Variants in LETM1 observed in about 807,000 individuals in gnomAD.
The protein encoded by LETM1 is leucine zipper and EF-hand containing transmembrane protein 1.
Under a neutral mutation model 74.5 loss-of-function variants are expected in LETM1, and 50 were observed. The ratio of observed to expected loss-of-function variants is 0.67; its 90% CI spans 0.53 to 0.85. The LOEUF is 0.85. Among genes scored for constraint, LETM1 ranks in the 40% least tolerant of loss-of-function variants. The pLI, the probability that LETM1 is intolerant of heterozygous loss-of-function variation, is 0.00. For missense variants in LETM1, 824 were observed against 967.8 expected, an observed-to-expected ratio of 0.85 and a Z score of 1.97; for synonymous variants, 446 against 407.1, an observed-to-expected ratio of 1.10 and a Z score of -1.15.
At chr4:1,830,779 TCTAA>T (rs1409281149) in intron 6 of LETM1, among the ~76,000 whole-genome samples, 3 of 152,204 alleles carry the variant, frequency 2.0e-5, no homozygotes, top group Non-Finnish European at 4.4e-5. Flanking sequence ...GTGCAGGGTC[TCTAA>T]CTGTCATCTC....
At chr4:1,844,166 A>G (rs553215819) in intron 2 of LETM1, among the ~76,000 whole-genome samples, 37 of 152,354 alleles carry the variant, frequency 2.4e-4, no homozygotes, top group African/African-American at 8.7e-4. Flanking sequence ...GGAGCCATCC[A>G]GAGTTGGGCA....
chr4:1,849,926 G>T (rs557560404), intron 1 of LETM1, among the ~76,000 whole-genome samples: 23 of 152,198 alleles, frequency 1.5e-4, no homozygotes, highest in Non-Finnish European at 2.9e-4. Flanking sequence ...GGAGGCAAAG[G>T]CGAGTGGATC....
intron 12 of LETM1, among the ~76,000 whole-genome samples, chr4:1,816,328 T>A (rs1711567276): frequency 6.6e-6 from 1 of 152,224 alleles, no homozygotes; most frequent in Admixed American, 6.5e-5. Flanking sequence ...CCTCAGCCAC[T>A]GCTGCGCAGG....
chr4:1,816,590 T>C, intron 12 of LETM1, 137 bp downstream of exon 12: 1 of 779,344 alleles, frequency 1.3e-6, no homozygotes. Flanking sequence ...GGACTGCTGG[T>C]CAAAGGTGGA....
At chr4:1,833,102 C>T (rs1189540050) in intron 5 of LETM1, 155 bp from the exon 6 acceptor site, 1 of 646,444 alleles carries the variant, frequency 1.5e-6, no homozygotes, top group South Asian at 1.9e-5. Context: ...GACAGGGTCT[C>T]GCTCTGTTAC....
Position 1,834,600 on chromosome 4 carries a change from A to G in LETM1, c.876+245T>C, listed in dbSNP as rs1197510750. ...ACTGCTCCTGGACAGCTGCAGGGTG[A>G]TGAGACACAGACGCCCATAATTCTG... On this transcript the variant is annotated intron_variant, in intron 5 of 13. Coordinates refer to ENST00000302787, the MANE Select transcript of LETM1 (RefSeq NM_012318.3). The surrounding 1 kb of genome is among the most constrained non-coding windows in gnomAD (Gnocchi z 5.0). 3 of 1,333,148 alleles carry G rather than the reference A, an allele frequency of 2.3e-6. No homozygotes were observed. Among genetic ancestry groups the G allele is most frequent in the East Asian group, 6.4e-5 (2 of 31,252 alleles). The allele number at this position is 1,333,148 out of a possible 1,614,324, so 82.6% of individuals were successfully genotyped here.
chr4:1,841,518 G>A lies in LETM1; in HGVS notation c.423C>T (p.Tyr141=), dbSNP rs1712692315. ...NKKLEEGGPV[Y]SPPAEVVVKK... ...TCACCACCACCTCTGCGGGGGGGCT[G>A]TACACCGGGCCGCCTTCCTCCAGCT... is the stretch of plus-strand genomic sequence containing the variant. The change falls in exon 3 of 14, where the codon TAC becomes TAT. Residue 141 remains tyrosine, a synonymous_variant. Coordinates refer to ENST00000302787, the MANE Select transcript of LETM1 (RefSeq NM_012318.3). The A allele has an allele frequency of 5.6e-6, 9 of 1,614,100 alleles. No individual in the cohort carries two copies. The South Asian group carries it at 6.6e-5, about 12-fold the overall frequency.
intron 3 of LETM1, 134 bp downstream of exon 3, chr4:1,841,207 TGGTGGC>T: frequency 1.3e-5 from 9 of 712,230 alleles, no homozygotes; most frequent in Admixed American, 1.2e-4. Flanking sequence ...TAGCCAGGTG[TGGTGGC>T]ACATGCCTGT....
intron 1 of LETM1, among the ~76,000 whole-genome samples, chr4:1,851,412 C>T (rs1194162645): frequency 1.3e-5 from 2 of 152,142 alleles, no homozygotes; most frequent in East Asian, 3.8e-4. Flanking sequence ...CAGGCACTGA[C>T]CCTGCTCCTA....
chr4:1,833,149 G>A, intron 5 of LETM1: 1 of 570,630 alleles, frequency 1.8e-6, no homozygotes, highest in South Asian at 2.0e-5. Flanking sequence ...TCGGTTCACT[G>A]CAACCTCCAC....
chr4:1,843,936 C>T (rs983120201), intron 2 of LETM1, among the ~76,000 whole-genome samples: 1 of 152,224 alleles, frequency 6.6e-6, no homozygotes, highest in Non-Finnish European at 1.5e-5. Flanking sequence ...GAGGTGGGCT[C>T]ACCTCCCTGT....
rs915246758 is a variant in LETM1 at position 1,814,140 on chromosome 4, C to T, written c.*284G>A. ...GACTGAGGCCACACACATGGGGGCG[C>T]CTTCCTGCCTTGGCCCAGCCCAGCT... On this transcript the variant is annotated 3_prime_UTR_variant, in exon 14 of 14. Coordinates refer to ENST00000302787, the MANE Select transcript of LETM1 (RefSeq NM_012318.3). 2.9e-5 allele frequency: 13 copies of T among 448,398 alleles called. No homozygotes were observed. Among genetic ancestry groups the T allele is most frequent in the African/African-American group, 2.4e-4 (12 of 50,036 alleles). 27.8% of individuals were successfully genotyped at this position (448,398 alleles called of 1,614,324 possible). A position where few individuals can be genotyped will look rare whatever the true frequency, so the allele number is the denominator to read the frequency against.
chr4:1,832,817 T>C lies in LETM1; in HGVS notation c.1007A>G (p.Gln336Arg). 1 of 1,614,198 alleles carries C rather than the reference T, an allele frequency of 6.2e-7. No homozygotes were observed. Among genetic ancestry groups the C allele is most frequent in the Middle Eastern group, 1.7e-4 (1 of 6,050 alleles). ...CAGGAAGTTGTTGGTGCCGATGGACTGTAGCTCCAGCAGCTTGCACAGGGC... is the reference window on the plus strand; with the variant it reads ...CAGGAAGTTGTTGGTGCCGATGGACCGTAGCTCCAGCAGCTTGCACAGGGC... Reference protein sequence around the residue: ...LVALCKLLELQSIGTNNFLRF... With the variant: ...LVALCKLLELRSIGTNNFLRF... The change falls in exon 6 of 14, where the codon CAG becomes CGG. Residue 336 changes from glutamine to arginine, a missense_variant. Transcript: ENST00000302787.
intron 2 of LETM1, among the ~76,000 whole-genome samples, chr4:1,842,626 C>T (rs536635290): frequency 2.6e-5 from 4 of 152,342 alleles, no homozygotes; most frequent in Admixed American, 2.0e-4. Context: ...TGTAGGCCAC[C>T]GAGGGCCAGA....
At chr4:1,840,310 G>C (rs1025160260) in intron 3 of LETM1, among the ~76,000 whole-genome samples, 1 of 152,164 alleles carries the variant, frequency 6.6e-6, no homozygotes, top group Non-Finnish European at 1.5e-5. Flanking sequence ...CCAGGAGGCG[G>C]AGGTTGCAGT....
At chr4:1,855,139 C>T (rs372945794) in intron 1 of LETM1, among the ~76,000 whole-genome samples, 1 of 152,134 alleles carries the variant, frequency 6.6e-6, no homozygotes, top group Non-Finnish European at 1.5e-5. Context: ...TGAGTATGAT[C>T]GCACCACTGC....
At chr4:1,827,896 C>T (rs1188267931) in intron 6 of LETM1, among the ~76,000 whole-genome samples, 4 of 149,654 alleles carry the variant, frequency 2.7e-5, no homozygotes, top group African/African-American at 7.5e-5. Flanking sequence ...ACCTCCCGGA[C>T]GGGGCGGCTG....
chr4:1,824,934 T>C, intron 7 of LETM1, among the ~76,000 whole-genome samples: 1 of 145,638 alleles, frequency 6.9e-6, no homozygotes, highest in Admixed American at 6.7e-5. Flanking sequence ...ACACACACCT[T>C]CATCTACACT....
chr4:1,845,744 G>A (rs1355534538), intron 2 of LETM1, among the ~76,000 whole-genome samples: 1 of 151,760 alleles, frequency 6.6e-6, no homozygotes, highest in East Asian at 1.9e-4. Flanking sequence ...ATGAAGTTTC[G>A]CCATGTTGGC....
Sources: gnomAD v4.1 joint callset for allele counts (sites outside exome capture counted in the v4.1 genomes callset) on GRCh38, gnomAD v4.1.1 for gene constraint, Gnocchi (gnomAD v3.1) non-coding constraint, MANE v1.5 for transcripts, NCBI Gene and HGNC (gene_info 2026-07-23, HGNC 2026-07-21) for gene names.